Variants in CTDSP2 observed in about 807,000 individuals in gnomAD.
CTDSP2 encodes CTD small phosphatase 2, also known as carboxy-terminal domain RNA polymerase II polypeptide A small phosphatase 2.
A neutral mutation model predicts 31.6 loss-of-function variants in CTDSP2; 9 were observed. That is an observed-to-expected ratio of 0.28 (90% CI 0.17 to 0.50). The LOEUF (loss-of-function observed/expected upper bound fraction) is 0.50. Ranked by LOEUF, CTDSP2 falls within the 20% of genes least tolerant of loss-of-function variation. The pLI is 0.98. For missense variants in CTDSP2, 267 were observed against 348.5 expected, an observed-to-expected ratio of 0.77 and a Z score of 1.86; for synonymous variants, 134 against 134.5, an observed-to-expected ratio of 1.00 and a Z score of 0.03.
chr12:57,827,261 G>A, intron 3 of CTDSP2, 164 bp from the exon 4 acceptor site: 2 of 640,550 alleles, frequency 3.1e-6, no homozygotes, highest in Non-Finnish European at 5.5e-6. Flanking sequence ...TGTTTCCTTG[G>A]TTTCAGCCTC....
At chr12:57,846,028 G>A (rs1174679644) in intron 1 of CTDSP2, among the ~76,000 whole-genome samples, 2 of 152,212 alleles carry the variant, frequency 1.3e-5, no homozygotes, top group East Asian at 1.9e-4. Flanking sequence ...CGGCGGTGAA[G>A]GAAAGTGACG....
In CTDSP2 at chr12:57,823,323, A is replaced by G; in HGVS notation, c.*279T>C. 1 of 467,522 alleles carries G rather than the reference A, an allele frequency of 2.1e-6. No homozygotes were observed. Among genetic ancestry groups the G allele is most frequent in the Non-Finnish European group, 3.9e-6 (1 of 253,202 alleles). 29.0% of individuals were successfully genotyped at this position (467,522 alleles called of 1,614,324 possible). A position where few individuals can be genotyped will look rare whatever the true frequency, so the allele number is the denominator to read the frequency against. ...CTTCTCCCCCACTGAAACACTATAC[A>G]CTGGGGCCACAGTTCATGGCAAAAC... On this transcript the variant is annotated 3_prime_UTR_variant, in exon 8 of 8. Coordinates refer to ENST00000398073, the MANE Select transcript of CTDSP2 (RefSeq NM_005730.4).
intron 1 of CTDSP2, among the ~76,000 whole-genome samples, chr12:57,836,315 T>G (rs1215836595): frequency 6.6e-6 from 1 of 152,214 alleles, no homozygotes; most frequent in African/African-American, 2.4e-5. Context: ...CTGTCTCCCC[T>G]GGTATTCATC....
intron 6 of CTDSP2, 63 bp from the exon 7 acceptor site, chr12:57,824,152 AC>A: frequency 6.2e-7 from 1 of 1,610,380 alleles, no homozygotes; most frequent in South Asian, 1.1e-5. Flanking sequence ...AACCCTAGGG[AC>A]CAAAAGGGAG....
chr12:57,822,854 T>C lies in CTDSP2; in HGVS notation c.*748A>G, dbSNP rs1424816150. On this transcript the variant is annotated 3_prime_UTR_variant, in exon 8 of 8. Transcript: ENST00000398073. ...GTCAAAAGAACGGAAATCAGTTATC[T>C]GTCCTCTTCCCGGGCAGGGAGAAAA... 5 of 152,706 alleles carry C rather than the reference T, an allele frequency of 3.3e-5. No homozygotes were observed. The East Asian group carries it at 5.8e-4, about 18-fold the overall frequency. 9.5% of individuals were successfully genotyped at this position (152,706 alleles called of 1,614,324 possible).
chr12:57,844,059 A>G (rs1302414733), intron 1 of CTDSP2, among the ~76,000 whole-genome samples: 1 of 152,092 alleles, frequency 6.6e-6, no homozygotes, highest in African/African-American at 2.4e-5. Flanking sequence ...GCCAAGCGTG[A>G]TGGCGCGCGC....
chr12:57,838,465 A>AG (rs940571952), intron 1 of CTDSP2, among the ~76,000 whole-genome samples: 11 of 152,186 alleles, frequency 7.2e-5, no homozygotes, highest in African/African-American at 2.4e-4. Flanking sequence ...CCCCTGTGGG[A>AG]GGGGCTACAC....
chr12:57,842,305 A>G (rs1956287101), intron 1 of CTDSP2: 1 of 152,206 alleles, frequency 6.6e-6, no homozygotes, highest in Admixed American at 6.5e-5. Flanking sequence ...CTTCTTTAGT[A>G]TTTACCATTT....
chr12:57,824,447 G>C, intron 5 of CTDSP2, 128 bp from the exon 6 acceptor site: 1 of 756,940 alleles, frequency 1.3e-6, no homozygotes, highest in Non-Finnish European at 2.3e-6. Context: ...TGGGCTACCT[G>C]GCTGGAAGCC....
At chr12:57,846,333 C>A in intron 1 of CTDSP2, 39 bp downstream of exon 1, 1 of 1,573,098 alleles carries the variant, frequency 6.4e-7, no homozygotes, top group Admixed American at 1.8e-5. Flanking sequence ...CCTCCGCGCC[C>A]GGGGGCGACG....
At chr12:57,846,229 G>A (rs991243393) in intron 1 of CTDSP2, 143 bp downstream of exon 1, 8 of 686,488 alleles carry the variant, frequency 1.2e-5, no homozygotes, top group African/African-American at 1.1e-4. Context: ...GCCGGGATGC[G>A]GGGGCGGATG....
Position 57,823,284 on chromosome 12 carries a change from T to G in CTDSP2, c.*318A>C. The G allele has an allele frequency of 5.5e-6, 2 of 362,208 alleles. No individual in the cohort carries two copies. Among genetic ancestry groups the G allele is most frequent in the South Asian group, 3.0e-5 (1 of 33,756 alleles). 22.4% of individuals were successfully genotyped at this position (362,208 alleles called of 1,614,324 possible). A position where few individuals can be genotyped will look rare whatever the true frequency, so the allele number is the denominator to read the frequency against. ...AGGAGACAAGCTAACTTGGGAAGAGTCTTGGTCTTTCAGCTTCTCCCCCAC... is the reference window on the plus strand; with the variant it reads ...AGGAGACAAGCTAACTTGGGAAGAGGCTTGGTCTTTCAGCTTCTCCCCCAC... On this transcript the variant is annotated 3_prime_UTR_variant, in exon 8 of 8. Transcript: ENST00000398073.
rs572662709 is a variant in CTDSP2 at position 57,832,514 on chromosome 12, G to A, written c.65-2918C>T. On this transcript the variant is annotated intron_variant, in intron 1 of 7. Coordinates refer to ENST00000398073, the MANE Select transcript of CTDSP2 (RefSeq NM_005730.4). Reference sequence around the variant, plus strand: ...CAAATTTAAAAAGAAAAGACAGGGCGGTCGTGGTGGCTCACACCTGATATC... The same window carrying A: ...CAAATTTAAAAAGAAAAGACAGGGCAGTCGTGGTGGCTCACACCTGATATC... 2.6e-5 allele frequency among the ~76,000 whole-genome samples: 4 copies of A among 152,134 alleles called. No individual in the cohort carries two copies. In the South Asian group the frequency reaches 6.2e-4, roughly 24 times the overall value.
chr12:57,828,521 T>C (rs74094462), intron 2 of CTDSP2, among the ~76,000 whole-genome samples: 363 of 152,344 alleles, frequency 2.4e-3, no homozygotes, highest in African/African-American at 8.6e-3. Context: ...TGGCATTCAG[T>C]GTACTGCCTT....
Position 57,844,851 on chromosome 12 carries a change from CTTATTT to C in CTDSP2, c.64+1515_64+1520del, listed in dbSNP as rs1956304407. 2.0e-5 allele frequency among the ~76,000 whole-genome samples: 3 copies of C among 151,968 alleles called. No individual in the cohort carries two copies. The South Asian group carries it at 6.3e-4, about 32-fold the overall frequency. ...CAAGGCCATCCCTTCTCAGGGCAGG[CTTATTT>C]AAAGTCCGGCCAGTGATGCAAGAGG... On this transcript the variant is annotated intron_variant, in intron 1 of 7. Transcript: ENST00000398073.
At chr12:57,834,973 T>C (rs898177987) in intron 1 of CTDSP2, among the ~76,000 whole-genome samples, 5 of 151,928 alleles carry the variant, frequency 3.3e-5, no homozygotes, top group African/African-American at 1.2e-4. Flanking sequence ...AAATACAAAA[T>C]TAGCCAGGTA....
intron 1 of CTDSP2, among the ~76,000 whole-genome samples, chr12:57,834,824 CAG>C: frequency 6.6e-6 from 1 of 152,138 alleles, no homozygotes; most frequent in South Asian, 2.1e-4. Flanking sequence ...TCTTTAAAAA[CAG>C]AACAAAAAAA....
At chr12:57,830,364 GACAGAGTGAGACTCCGTCTCAAAAAAACA>G (rs1956208085) in intron 1 of CTDSP2, among the ~76,000 whole-genome samples, 1 of 151,576 alleles carries the variant, frequency 6.6e-6, no homozygotes, top group Non-Finnish European at 1.5e-5. Flanking sequence ...CAGCCTGGAT[GACAGAGTGAGACTCCGTCTCAAAAAAACA>G]ACAACAAAAA....
chr12:57,843,612 A>G (rs1956295637), intron 1 of CTDSP2, among the ~76,000 whole-genome samples: 1 of 152,174 alleles, frequency 6.6e-6, no homozygotes, highest in Non-Finnish European at 1.5e-5. Context: ...CTTTCCAGAA[A>G]TTTACTTATT....
Sources: gnomAD v4.1 joint callset for allele counts (sites outside exome capture counted in the v4.1 genomes callset) on GRCh38, gnomAD v4.1.1 for gene constraint, MANE v1.5 for transcripts, NCBI Gene and HGNC (gene_info 2026-07-23, HGNC 2026-07-21) for gene names.